The following ZCWPW1 variants were observed in gnomAD, a reference collection of about 807,000 sequenced individuals.
ZCWPW1 encodes the protein zinc finger CW-type PWWP domain protein 1.
Under a neutral mutation model 81.3 loss-of-function variants are expected in ZCWPW1, and 56 were observed. The observed-to-expected ratio is 0.69, with a 90% CI of 0.56 to 0.86. ZCWPW1 has a LOEUF of 0.86. ZCWPW1 is among the 40% of genes least tolerant of loss of function. ZCWPW1 has a pLI of 0.00. For synonymous variants in ZCWPW1, 250 were observed against 273.7 expected (o/e 0.91, Z 0.86); for missense variants, 650 against 769.8 (o/e 0.84, Z 1.84).
At position 100,404,207 on chromosome 7, in the gene ZCWPW1, T is replaced by C. The variant is rs368172772; in HGVS notation, c.1292A>G (p.Asn431Ser). The C allele has an allele frequency of 1.2e-6, 2 of 1,614,022 alleles. No individual in the cohort carries two copies. The highest frequency in any genetic ancestry group is 1.7e-6 in the Non-Finnish European group (2 of 1,180,014). The change falls in exon 14 of 18, where the codon AAC becomes AGC. Residue 431 changes from asparagine to serine, a missense_variant. Physicochemically the swap from Asn to Ser is conservative, Grantham distance 46. Transcript: ENST00000684423. ...TCTTTCCCCATTACTGTTAGATCCG[T>C]TGAATCGGCTCCAGAAACCAAACAA... ...VNLFGFWSRF[N>S]GSNSNGERKD...
At chr7:100,426,845 T>G in intron 1 of ZCWPW1, among the ~76,000 whole-genome samples, 1 of 56,572 alleles carries the variant, frequency 1.8e-5, no homozygotes. Flanking sequence ...TTCCCTTTCC[T>G]CCCCCTCTCC....
At position 100,417,202 on chromosome 7, in the gene ZCWPW1, A is replaced by C; in HGVS notation, c.362-19T>G. ...CCCATCCCTCCCAAAACAAAATACT[A>C]TAAGCAGAGAAGCAAAAAAACGAAA... On this transcript the variant is annotated intron_variant, in intron 5 of 17. Coordinates refer to ENST00000684423, the MANE Select transcript of ZCWPW1 (RefSeq NM_001386010.1). 6.2e-7 allele frequency: 1 copy of C among 1,601,900 alleles called. No homozygotes were observed.
In ZCWPW1 at chr7:100,420,588, T is replaced by G. The variant is rs760953992; in HGVS notation, c.28+34A>C. 4 of 1,613,700 alleles carry G rather than the reference T, an allele frequency of 2.5e-6. No homozygotes were observed. In the South Asian group the frequency reaches 4.4e-5, roughly 18 times the overall value. ...TCCAAAAGGAGAAAAATGAGAGAAA[T>G]GTATGAAGCGAACCTCCCTCACTCT... On this transcript the variant is annotated intron_variant, in intron 3 of 17. Coordinates refer to ENST00000684423, the MANE Select transcript of ZCWPW1 (RefSeq NM_001386010.1).
intron 3 of ZCWPW1, among the ~76,000 whole-genome samples, chr7:100,420,331 G>A (rs912329786): frequency 6.6e-6 from 1 of 152,114 alleles, no homozygotes; most frequent in African/African-American, 2.4e-5. Flanking sequence ...ATCCTCCCAG[G>A]TATATCTTTC....
At chr7:100,424,187 AGTCTCT>A (rs1796892378) in intron 2 of ZCWPW1, among the ~76,000 whole-genome samples, 1 of 152,200 alleles carries the variant, frequency 6.6e-6, no homozygotes, top group African/African-American at 2.4e-5. Flanking sequence ...GATCACAAGA[AGTCTCT>A]GTCTAAATTA....
intron 8 of ZCWPW1, among the ~76,000 whole-genome samples, chr7:100,411,510 C>A (rs2130621549): frequency 6.6e-6 from 1 of 152,260 alleles, no homozygotes; most frequent in East Asian, 1.9e-4. Flanking sequence ...CTCAAGTGAT[C>A]CACCCTCCTC....
chr7:100,412,690 TCCTG>T (rs953706125), intron 8 of ZCWPW1, among the ~76,000 whole-genome samples: 16 of 152,250 alleles, frequency 1.1e-4, no homozygotes, highest in African/African-American at 3.9e-4. Context: ...CACACCATTC[TCCTG>T]CCTCAGCCTC....
In ZCWPW1 at chr7:100,401,128, G is replaced by A. The variant is rs778050195; in HGVS notation, c.1836C>T (p.Asp612=). 11 of 1,614,242 alleles carry A rather than the reference G, an allele frequency of 6.8e-6. No individual in the cohort carries two copies. In the South Asian group the frequency reaches 7.7e-5, roughly 11 times the overall value. Residue 612 remains aspartate, a synonymous_variant, in exon 18 of 18, where the codon GAC becomes GAT. Coordinates refer to ENST00000684423, the MANE Select transcript of ZCWPW1 (RefSeq NM_001386010.1). ...CTTCCATGAGTTGCTCCAGGTCCAG[G>A]TCACTGGAGGCTTCGTCCTCAAGGG... The part of the protein sequence containing the change: ...SVPLEDEASS[D]LDLEQLMEDV...
intron 12 of ZCWPW1, 49 bp from the exon 13 acceptor site, chr7:100,405,142 A>G (rs1199205435): frequency 6.3e-7 from 1 of 1,581,476 alleles, no homozygotes. Flanking sequence ...TAAAGATTAG[A>G]GTCATGACCA....
At chr7:100,404,869 G>A (rs1792657528) in intron 13 of ZCWPW1, 144 bp downstream of exon 13, 2 of 692,530 alleles carry the variant, frequency 2.9e-6, no homozygotes, top group Non-Finnish European at 4.6e-6. Context: ...GAAAAGAGAG[G>A]TTAGGGCACT....
chr7:100,403,450 C>T (rs1664927600), intron 15 of ZCWPW1, among the ~76,000 whole-genome samples: 1 of 151,908 alleles, frequency 6.6e-6, no homozygotes, highest in Admixed American at 6.5e-5. Context: ...CTCCTGACCT[C>T]GTGATCCGCT....
At chr7:100,408,859 CCAGCTGAAATGCAGCTGGAGG>C (rs1793600564) in intron 9 of ZCWPW1, among the ~76,000 whole-genome samples, 200 bp from the exon 10 acceptor site, 1 of 141,862 alleles carries the variant, frequency 7.0e-6, no homozygotes, top group South Asian at 2.1e-4. Flanking sequence ...GCAGCTGGAA[CCAGCTGAAATGCAGCTGGAGG>C]CAGTAGGAAT....
chr7:100,411,595 G>C (rs530719200), intron 8 of ZCWPW1, among the ~76,000 whole-genome samples: 1 of 147,614 alleles, frequency 6.8e-6, no homozygotes, highest in East Asian at 1.9e-4. Flanking sequence ...GAAGAACAAA[G>C]TACTGGTTGG....
chr7:100,403,825 C>T, intron 14 of ZCWPW1, 40 bp from the exon 15 acceptor site: 1 of 1,568,686 alleles, frequency 6.4e-7, no homozygotes, highest in South Asian at 1.1e-5. Context: ...ATCATTCATA[C>T]CATAAAATAG....
chr7:100,402,398 G>A (rs781587548), intron 16 of ZCWPW1, 118 bp downstream of exon 16: 19 of 1,154,340 alleles, frequency 1.6e-5, no homozygotes, highest in Non-Finnish European at 1.2e-5. Context: ...AGTGTTGCCT[G>A]TTTTCTCAGG....
At chr7:100,411,568 C>A (rs1794173325) in intron 8 of ZCWPW1, among the ~76,000 whole-genome samples, 1 of 151,954 alleles carries the variant, frequency 6.6e-6, no homozygotes, top group African/African-American at 2.4e-5. Flanking sequence ...CATGCCCAGC[C>A]TCAATTACCT....
chr7:100,419,462 AC>A (rs1295240267), intron 4 of ZCWPW1, among the ~76,000 whole-genome samples, 167 bp downstream of exon 4: 2 of 152,066 alleles, frequency 1.3e-5, no homozygotes, highest in African/African-American at 4.8e-5. Flanking sequence ...TTTCATCAAA[AC>A]ATTTTTGACC....
chr7:100,424,166 A>G (rs1432558587), intron 2 of ZCWPW1, among the ~76,000 whole-genome samples: 1 of 152,164 alleles, frequency 6.6e-6, no homozygotes, highest in Non-Finnish European at 1.5e-5. Context: ...AGACTTTAAA[A>G]TTCCAAAAAA....
chr7:100,405,993 G>GA (rs1792922164), intron 12 of ZCWPW1, among the ~76,000 whole-genome samples: 1 of 152,144 alleles, frequency 6.6e-6, no homozygotes, highest in African/African-American at 2.4e-5. Context: ...TTGAAAACAG[G>GA]ATTATAGGAG....
Sources: allele counts gnomAD v4.1 joint callset (sites outside exome capture counted in the v4.1 genomes callset), GRCh38; gene constraint gnomAD v4.1.1; transcripts MANE v1.5; gene names NCBI Gene and HGNC (gene_info 2026-07-23, HGNC 2026-07-21).